CNTN1: variants seen among roughly 807,000 people sequenced by gnomAD.
CNTN1 encodes contactin 1.
CNTN1 carries 38 observed loss-of-function variants against 126.4 expected under a neutral mutation model. That is an observed-to-expected ratio of 0.30 (90% confidence interval 0.23 to 0.39). The LOEUF is 0.39. CNTN1 is among the 10% of genes least tolerant of loss of function. The pLI, the probability that CNTN1 is intolerant of heterozygous loss-of-function variation, is 1.00. For synonymous variants in CNTN1, 413 were observed against 422.6 expected (o/e 0.98, Z 0.28); for missense variants, 1,009 against 1,248.4 (o/e 0.81, Z 2.89).
At chr12:40,737,174 A>G (rs1937721774) in intron 1 of CNTN1, among the ~76,000 whole-genome samples, 1 of 151,602 alleles carries the variant, frequency 6.6e-6, no homozygotes, top group South Asian at 2.1e-4. Flanking sequence ...TTGAAGCACT[A>G]CAAGAAACAG....
intron 1 of CNTN1, among the ~76,000 whole-genome samples, chr12:40,831,589 A>T (rs1941842109): frequency 6.6e-6 from 1 of 152,106 alleles, no homozygotes; most frequent in African/African-American, 2.4e-5. Flanking sequence ...TTTCTTTCAG[A>T]TATGCTCTTA....
At chr12:40,928,020 G>A (rs1213570682) in intron 6 of CNTN1, among the ~76,000 whole-genome samples, 1 of 151,948 alleles carries the variant, frequency 6.6e-6, no homozygotes, top group Non-Finnish European at 1.5e-5. Context: ...TAAAATTCAG[G>A]TCTCTGTATT....
In CNTN1 at chr12:40,922,769, G is replaced by A. The variant is rs180863493; in HGVS notation, c.400+341G>A. Among the ~76,000 whole-genome samples, 1,011 of 152,004 alleles carry A rather than the reference G, an allele frequency of 6.7e-3. 15 individuals are homozygous for A. The highest frequency in any genetic ancestry group is 0.023 in the African/African-American group (948 of 41,430). On this transcript the variant is annotated intron_variant, in intron 5 of 23. Transcript: ENST00000551295. ...TGGTGGATCATGAGGTCAGGAGATC[G>A]AGACCATCCTGGCCAACATGGTGAA...
At position 41,025,204 on chromosome 12, in the gene CNTN1, A is replaced by C; in HGVS notation, c.2578A>C (p.Thr860Pro). ...AGAAGCTGCAAACAGAGTTCAAGTC[A>C]CCAGCCAAGAGTACTCGGCCAGGCT... ...KEEAANRVQV[T>P]SQEYSARLEN... Residue 860 changes from threonine (T) to proline (P), a missense_variant, in exon 21 of 24, where the codon ACC becomes CCC. Transcript: ENST00000551295. 2.5e-6 allele frequency: 4 copies of C among 1,613,972 alleles called. No individual in the cohort carries two copies. The highest frequency in any genetic ancestry group is 3.4e-6 in the Non-Finnish European group (4 of 1,179,892).
rs1409123103 is a variant in CNTN1 at position 41,014,236 on chromosome 12, G to A, written c.2122G>A (p.Val708Met). The change falls in exon 18 of 24, where the codon GTG becomes ATG. Residue 708 changes from valine (V) to methionine (M), a missense_variant. By Grantham distance (21) the Val-to-Met change is conservative. Transcript: ENST00000551295. ...TTGTTTGTTTGTTTCAGCACCAAAT[G>A]TGGCTCCTTCAGATGTAGGAGGTGG... ...RIKTDGAAPN[V>M]APSDVGGGGG... 2 of 1,613,896 alleles carry A rather than the reference G, an allele frequency of 1.2e-6. No individual in the cohort carries two copies. Among genetic ancestry groups the A allele is most frequent in the Admixed American group, 1.7e-5 (1 of 60,012 alleles).
At chr12:40,962,651 T>A (rs1270956308) in intron 15 of CNTN1, among the ~76,000 whole-genome samples, 2 of 152,140 alleles carry the variant, frequency 1.3e-5, no homozygotes, top group Non-Finnish European at 2.9e-5. Flanking sequence ...AGATATGAAC[T>A]ATTGTAATTC....
intron 1 of CNTN1, among the ~76,000 whole-genome samples, chr12:40,749,725 G>A (rs1363858901): frequency 1.0e-5 from 1 of 99,542 alleles, no homozygotes; most frequent in African/African-American, 3.6e-5. Context: ...ATAAAGTTCT[G>A]ATAGGTTAAG....
intron 1 of CNTN1, among the ~76,000 whole-genome samples, chr12:40,733,906 A>G (rs1166442067): frequency 1.3e-5 from 2 of 152,042 alleles, no homozygotes; most frequent in Non-Finnish European, 2.9e-5. Flanking sequence ...GCCTGAAAAC[A>G]CTTCTTTAAA....
At chr12:40,926,343 A>T (rs1945694810) in intron 6 of CNTN1, among the ~76,000 whole-genome samples, 2 of 152,052 alleles carry the variant, frequency 1.3e-5, no homozygotes, top group South Asian at 4.2e-4. Flanking sequence ...CAATATGAGT[A>T]TCCGAGAGAA....
intron 23 of CNTN1, among the ~76,000 whole-genome samples, chr12:41,056,749 C>T (rs570049054): frequency 4.0e-5 from 6 of 151,180 alleles, no homozygotes; most frequent in Non-Finnish European, 5.9e-5. Context: ...AGACTCCATC[C>T]GTACAAGTGG....
At position 40,859,935 on chromosome 12, in the gene CNTN1, A is replaced by C. The variant is rs373202227; in HGVS notation, c.-76-48422A>C. On this transcript the variant is annotated intron_variant, in intron 1 of 23. Coordinates refer to ENST00000551295, the MANE Select transcript of CNTN1 (RefSeq NM_001843.4). ...CTTTTTATAGCTGATGTCAGTAAAA[A>C]ATCTATTAATATAATTATTAATCAT... 8.5e-5 allele frequency among the ~76,000 whole-genome samples: 13 copies of C among 152,252 alleles called. No homozygotes were observed. In the East Asian group the frequency reaches 2.5e-3, roughly 29 times the overall value.
chr12:40,902,923 A>C (rs1234425306), intron 1 of CNTN1, among the ~76,000 whole-genome samples: 1 of 152,210 alleles, frequency 6.6e-6, no homozygotes, highest in Non-Finnish European at 1.5e-5. Context: ...GTGTTGTCTA[A>C]AGGAAAGAGG....
At chr12:40,982,948 G>C (rs371303029) in intron 16 of CNTN1, among the ~76,000 whole-genome samples, 2 of 135,058 alleles carry the variant, frequency 1.5e-5, no homozygotes, top group African/African-American at 2.7e-5. Flanking sequence ...GTCTTGGGGT[G>C]GGGGGAGGGG....
At chr12:40,925,844 G>GTATATATA (rs1201149636) in intron 6 of CNTN1, among the ~76,000 whole-genome samples, 1 of 38,354 alleles carries the variant, frequency 2.6e-5, no homozygotes, top group Admixed American at 2.3e-4. Context: ...GTGTGTGTGT[G>GTATATATA]TATATATATA....
chr12:40,961,539 C>A (rs1947107022), intron 15 of CNTN1, among the ~76,000 whole-genome samples: 1 of 151,798 alleles, frequency 6.6e-6, no homozygotes, highest in Non-Finnish European at 1.5e-5. Context: ...TTCAGGAAAT[C>A]ATAACCTGGA....
At chr12:40,915,424 A>G (rs1443438513) in intron 3 of CNTN1, among the ~76,000 whole-genome samples, 4 of 152,160 alleles carry the variant, frequency 2.6e-5, no homozygotes, top group African/African-American at 9.6e-5. Context: ...AGCAGACACT[A>G]GACAGGCCAG....
In CNTN1 at chr12:40,939,401, T is replaced by A. The variant is rs1488494288; in HGVS notation, c.1295T>A (p.Val432Glu). 6.2e-7 allele frequency: 1 copy of A among 1,613,892 alleles called. No homozygotes were observed. Among genetic ancestry groups the A allele is most frequent in the Non-Finnish European group, 8.5e-7 (1 of 1,179,940 alleles). The change falls in exon 12 of 24, where the codon GTG becomes GAG. Residue 432 changes from valine (V) to glutamate (E), a missense_variant. Coordinates refer to ENST00000551295, the MANE Select transcript of CNTN1 (RefSeq NM_001843.4). ...ATCCTGGCTGCTAAAGGTGGAAGGG[T>A]GATAATTGAATGCAAACCTAAAGCT... ...KKILAAKGGR[V>E]IIECKPKAAP...
At chr12:40,910,170 C>T in intron 3 of CNTN1, 65 bp downstream of exon 3, 1 of 1,252,130 alleles carries the variant, frequency 8.0e-7, no homozygotes. Context: ...TTTATCTCTG[C>T]TTTAAACTAT....
chr12:41,046,926 G>A (rs1203368782), intron 23 of CNTN1, among the ~76,000 whole-genome samples: 7 of 144,294 alleles, frequency 4.9e-5, no homozygotes, highest in East Asian at 2.0e-4. Flanking sequence ...CAGATTCCAC[G>A]GTTCATATTG....
Sources: allele counts gnomAD v4.1 joint callset (sites outside exome capture counted in the v4.1 genomes callset), GRCh38; gene constraint gnomAD v4.1.1; transcripts MANE v1.5; gene names NCBI Gene and HGNC (gene_info 2026-07-23, HGNC 2026-07-21).